CAMTA1: variants seen among roughly 807,000 people sequenced by gnomAD.
The protein encoded by CAMTA1 is calmodulin binding transcription activator 1, also known as calmodulin-binding transcription activator 1.
In CAMTA1, 27 loss-of-function variants were observed where a neutral mutation model predicts 170.9. The observed-to-expected ratio is 0.16, with a 90% CI of 0.12 to 0.22. The LOEUF (loss-of-function observed/expected upper bound fraction) is 0.22. Ranked by LOEUF, CAMTA1 falls within the 10% of genes least tolerant of loss-of-function variation. The pLI, the probability that CAMTA1 is intolerant of heterozygous loss-of-function variation, is 1.00. For synonymous variants in CAMTA1, 833 were observed against 891.5 expected (o/e 0.93, Z 1.17); for missense variants, 1,619 against 2,217.2 (o/e 0.73, Z 5.42).
rs1276054881 is a variant in CAMTA1, at chr1:7,305,553, A to G, written c.438+55927A>G. Among the ~76,000 whole-genome samples the G allele has an allele frequency of 2.0e-5, 3 of 152,028 alleles. 1 individual carries two copies. The highest frequency in any genetic ancestry group is 4.8e-5 in the African/African-American group (2 of 41,428). ...CTATATGGAAACTTTTGAGACCAGTACTTTCATTCTGCTCAACGTTGCCAT... is the reference window on the plus strand; with the variant it reads ...CTATATGGAAACTTTTGAGACCAGTGCTTTCATTCTGCTCAACGTTGCCAT... On this transcript the variant is annotated intron_variant, in intron 5 of 22. Coordinates refer to ENST00000303635, the MANE Select transcript of CAMTA1 (RefSeq NM_015215.4).
At chr1:7,212,630 T>C (rs1238521983) in intron 4 of CAMTA1, among the ~76,000 whole-genome samples, 1 of 152,218 alleles carries the variant, frequency 6.6e-6, no homozygotes, top group Non-Finnish European at 1.5e-5. Flanking sequence ...TTTTTCTCAA[T>C]GGTAACATCT....
chr1:7,515,776 T>C (rs1227342757), intron 6 of CAMTA1, among the ~76,000 whole-genome samples: 6 of 152,236 alleles, frequency 3.9e-5, no homozygotes, highest in Non-Finnish European at 7.3e-5. Context: ...TCCCAGGATC[T>C]GCTGGTCTGC....
intron 3 of CAMTA1, among the ~76,000 whole-genome samples, chr1:6,975,628 A>G (rs1693283724): frequency 6.6e-6 from 1 of 152,148 alleles, no homozygotes; most frequent in Admixed American, 6.5e-5. Context: ...CTTGGAGCAT[A>G]ATAACGGCTT....
chr1:7,235,790 G>A (rs918096777), intron 4 of CAMTA1, among the ~76,000 whole-genome samples: 9 of 152,126 alleles, frequency 5.9e-5, no homozygotes, highest in African/African-American at 2.2e-4. Flanking sequence ...CTATCTAGTC[G>A]TTTGTTCTCT....
intron 3 of CAMTA1, among the ~76,000 whole-genome samples, chr1:6,848,454 G>A (rs1659160312): frequency 6.6e-6 from 1 of 152,204 alleles, no homozygotes; most frequent in Non-Finnish European, 1.5e-5. Flanking sequence ...TGGCCTTTTA[G>A]CACAGTTTAA....
At chr1:7,103,551 CT>C (rs1643055855) in intron 4 of CAMTA1, among the ~76,000 whole-genome samples, 1 of 131,002 alleles carries the variant, frequency 7.6e-6, no homozygotes, top group African/African-American at 2.7e-5. Flanking sequence ...CATGTACACA[CT>C]ACACACATAC....
chr1:7,286,034 C>T lies in CAMTA1; in HGVS notation c.438+36408C>T, dbSNP rs1015322561. Among the ~76,000 whole-genome samples, 5 of 152,206 alleles carry T rather than the reference C, an allele frequency of 3.3e-5. No individual in the cohort carries two copies. The highest frequency in any genetic ancestry group is 9.7e-5 in the African/African-American group (4 of 41,448). On this transcript the variant is annotated intron_variant, in intron 5 of 22. Transcript: ENST00000303635. This position sits in a 1 kb window ranked among gnomAD's most constrained non-coding sequence, Gnocchi z 4.2. ...CAGCTGTTTCAGATGTACCCACCAC[C>T]GGGCCAATGGAGCCTGCTGTGTGCC...
chr1:7,048,445 T>C (rs375141181), intron 3 of CAMTA1, among the ~76,000 whole-genome samples: 1 of 152,146 alleles, frequency 6.6e-6, no homozygotes, highest in South Asian at 2.1e-4. Context: ...AATTAGTAAA[T>C]TAAAAGTTTC....
At chr1:7,740,251 G>T (rs2096802013) in intron 16 of CAMTA1, among the ~76,000 whole-genome samples, 1 of 152,200 alleles carries the variant, frequency 6.6e-6, no homozygotes, top group Non-Finnish European at 1.5e-5. Flanking sequence ...GGTTCTGTAG[G>T]CCATACAGAC....
intron 6 of CAMTA1, among the ~76,000 whole-genome samples, chr1:7,589,555 G>A (rs1484158300): frequency 6.6e-6 from 1 of 152,192 alleles, no homozygotes; most frequent in Non-Finnish European, 1.5e-5. Flanking sequence ...CAGGCCTGCA[G>A]TTCTGACCAG....
intron 1 of CAMTA1, among the ~76,000 whole-genome samples, chr1:6,813,787 T>G (rs1259492845): frequency 6.6e-6 from 1 of 152,002 alleles, no homozygotes; most frequent in Non-Finnish European, 1.5e-5. Flanking sequence ...GCTTGTTCAG[T>G]CTCTTGCTTT....
intron 5 of CAMTA1, among the ~76,000 whole-genome samples, chr1:7,464,462 T>C (rs1027684844): frequency 3.3e-5 from 5 of 152,234 alleles, no homozygotes; most frequent in African/African-American, 9.6e-5. Context: ...TATTGTGCAA[T>C]TAATCCCCAA....
rs75017465 is a variant in CAMTA1 at position 6,877,506 on chromosome 1, C to T, written c.234+52296C>T. Among the ~76,000 whole-genome samples, 707 of 152,290 alleles carry T rather than the reference C, an allele frequency of 4.6e-3. 4 individuals are homozygous for T. Among genetic ancestry groups the T allele is most frequent in the Admixed American group, 7.4e-3 (113 of 15,310 alleles). On this transcript the variant is annotated intron_variant, in intron 3 of 22. Coordinates refer to ENST00000303635, the MANE Select transcript of CAMTA1 (RefSeq NM_015215.4). ...GTCGGCAACGCTATTGCTGCACGATCAGGAAATAACAGAAAACGTCTCCCA... is the reference window on the plus strand; with the variant it reads ...GTCGGCAACGCTATTGCTGCACGATTAGGAAATAACAGAAAACGTCTCCCA...
At chr1:7,593,574 C>T (rs2095370807) in intron 6 of CAMTA1, among the ~76,000 whole-genome samples, 1 of 150,732 alleles carries the variant, frequency 6.6e-6, no homozygotes, top group South Asian at 2.1e-4. Context: ...ACTACAACCT[C>T]TGCCTCCAGG....
At chr1:7,116,475 A>C (rs1644333318) in intron 4 of CAMTA1, among the ~76,000 whole-genome samples, 1 of 152,090 alleles carries the variant, frequency 6.6e-6, no homozygotes, top group African/African-American at 2.4e-5. Flanking sequence ...TTCAACATGG[A>C]GGGGCAACTT....
intron 5 of CAMTA1, among the ~76,000 whole-genome samples, chr1:7,298,689 A>G (rs1354096266): frequency 6.6e-6 from 1 of 152,196 alleles, no homozygotes; most frequent in African/African-American, 2.4e-5. Context: ...TTTGTAATAT[A>G]TATTTACCAA....
rs1222052805 is a variant in CAMTA1, at chr1:6,828,872, A to AGTCTATTCT, written c.234+3665_234+3673dup. Reference sequence around the variant, plus strand: ...AGGCCTACAAACCTAAACTACAGCAAGTCTATTCTGTAACGTAGTTTTTTT... The same window carrying AGTCTATTCT: ...AGGCCTACAAACCTAAACTACAGCAAGTCTATTCTGTCTATTCTGTAACGTAGTTTTTTT... On this transcript the variant is annotated intron_variant, in intron 3 of 22. Transcript: ENST00000303635. Among the ~76,000 whole-genome samples, 15 of 150,452 alleles carry AGTCTATTCT rather than the reference A, an allele frequency of 1.0e-4. No individual in the cohort carries two copies. In the East Asian group the frequency reaches 2.9e-3, roughly 29 times the overall value.
At chr1:7,573,114 C>T (rs2095144427) in intron 6 of CAMTA1, among the ~76,000 whole-genome samples, 1 of 152,174 alleles carries the variant, frequency 6.6e-6, no homozygotes, top group African/African-American at 2.4e-5. Context: ...ACTGGGCAAA[C>T]CTAATGGAGT....
At chr1:7,275,829 A>G (rs571888132) in intron 5 of CAMTA1, among the ~76,000 whole-genome samples, 7 of 152,310 alleles carry the variant, frequency 4.6e-5, no homozygotes, top group African/African-American at 1.7e-4. Context: ...TTAAGGCAAG[A>G]ATAATGTTAG....
Sources: allele counts gnomAD v4.1 joint callset (sites outside exome capture counted in the v4.1 genomes callset), GRCh38; gene constraint gnomAD v4.1.1; non-coding constraint Gnocchi (gnomAD v3.1); transcripts MANE v1.5; gene names NCBI Gene and HGNC (gene_info 2026-07-23, HGNC 2026-07-21).